The following VPS13B variants were observed in gnomAD, a reference collection of about 807,000 sequenced individuals.
The protein encoded by VPS13B is vacuolar protein sorting 13 homolog B.
Under a neutral mutation model 426.4 loss-of-function variants are expected in VPS13B, and 285 were observed. The ratio of observed to expected loss-of-function variants is 0.67; its 90% CI spans 0.61 to 0.74. The LOEUF is 0.74. Ranked by LOEUF, VPS13B falls within the 30% of genes least tolerant of loss-of-function variation. The pLI is 0.00. For missense variants in VPS13B, 4,537 were observed against 4,782.6 expected (o/e 0.95, Z 1.51); for synonymous variants, 1,676 against 1,676.4 (o/e 1.00, Z 0.01).
At chr8:99,665,465 G>A (rs1830447621) in intron 35 of VPS13B, among the ~76,000 whole-genome samples, 3 of 152,164 alleles carry the variant, frequency 2.0e-5, no homozygotes, top group Non-Finnish European at 2.9e-5. Flanking sequence ...TAACATTTAA[G>A]TCTTTAATCC....
chr8:99,561,539 C>T (rs1052060896), intron 31 of VPS13B, among the ~76,000 whole-genome samples: 3 of 152,128 alleles, frequency 2.0e-5, no homozygotes, highest in Non-Finnish European at 2.9e-5. Context: ...CCTGTACAGC[C>T]ATTCCGGTTT....
At chr8:99,509,151 C>T (rs543523073) in intron 28 of VPS13B, among the ~76,000 whole-genome samples, 36 of 152,110 alleles carry the variant, frequency 2.4e-4, no homozygotes, top group Non-Finnish European at 4.7e-4. Flanking sequence ...ATCACTGTGG[C>T]CTCTTCCACT....
chr8:99,822,767 CA>C (rs1814450566), intron 50 of VPS13B, among the ~76,000 whole-genome samples: 1 of 152,078 alleles, frequency 6.6e-6, no homozygotes, highest in South Asian at 2.1e-4. Flanking sequence ...TGGGTTATAT[CA>C]GTATTTATCA....
intron 39 of VPS13B, among the ~76,000 whole-genome samples, chr8:99,732,745 G>C (rs540881002): frequency 6.6e-6 from 1 of 152,346 alleles, no homozygotes; most frequent in South Asian, 2.1e-4. Context: ...AGAATTTGTA[G>C]ATAACACTTA....
chr8:99,391,364 T>TGA (rs1045294823), intron 20 of VPS13B, among the ~76,000 whole-genome samples, 193 bp from the exon 21 acceptor site: 25 of 145,494 alleles, frequency 1.7e-4, no homozygotes, highest in Middle Eastern at 3.5e-3. Context: ...TGTGTGTGTG[T>TGA]GAGAGAGAGA....
Position 99,720,923 on chromosome 8 carries a change from C to G in VPS13B, c.6926C>G (p.Pro2309Arg). 6.2e-7 allele frequency: 1 copy of G among 1,613,902 alleles called. No homozygotes were observed. The highest frequency in any genetic ancestry group is 8.5e-7 in the Non-Finnish European group (1 of 1,179,926). ...TTTTATAATGAAACTGAAGATTGCC[C>G]AGGGATGATGTTATGGAGATATCCA... ...VLFYNETEDC[P>R]GMMLWRYPEP... The change falls in exon 39 of 62, where the codon CCA becomes CGA. Residue 2309 changes from proline (P) to arginine (R), a missense_variant. Physicochemically the swap from Pro to Arg is moderately radical, Grantham distance 103 (BLOSUM62 -2). This residue lies in a region of VPS13B where 4,311 missense variants were observed against 4,474.3 expected (regional missense o/e 0.96). Coordinates refer to ENST00000357162, the MANE Select transcript of VPS13B (RefSeq NM_152564.5).
At chr8:99,306,872 A>G (rs1820667273) in intron 19 of VPS13B, among the ~76,000 whole-genome samples, 1 of 152,144 alleles carries the variant, frequency 6.6e-6, no homozygotes. Context: ...GTATGTGATT[A>G]ACTGACAGTT....
At chr8:99,354,234 G>T (rs1812053777) in intron 19 of VPS13B, among the ~76,000 whole-genome samples, 1 of 106,886 alleles carries the variant, frequency 9.4e-6, no homozygotes, top group Non-Finnish European at 1.8e-5. Context: ...GAAAATCGTT[G>T]TGAGCATTCT....
chr8:99,069,777 G>C (rs1844758704), intron 3 of VPS13B, among the ~76,000 whole-genome samples: 1 of 152,070 alleles, frequency 6.6e-6, no homozygotes, highest in Admixed American at 6.6e-5. Context: ...GAAGAGTATT[G>C]GCAGAAAACT....
At chr8:99,511,030 A>T in intron 28 of VPS13B, 74 bp from the exon 29 acceptor site, 1 of 1,547,756 alleles carries the variant, frequency 6.5e-7, no homozygotes, top group Non-Finnish European at 8.8e-7. Flanking sequence ...CACTGAGGTC[A>T]TTTTCTTCTT....
At chr8:99,295,722 A>G (rs1054294420) in intron 19 of VPS13B, among the ~76,000 whole-genome samples, 1 of 152,158 alleles carries the variant, frequency 6.6e-6, no homozygotes, top group Non-Finnish European at 1.5e-5. Flanking sequence ...CCAGGAAAAG[A>G]TCAAAATCAA....
At chr8:99,310,021 T>A (rs1017650822) in intron 19 of VPS13B, among the ~76,000 whole-genome samples, 2 of 152,192 alleles carry the variant, frequency 1.3e-5, no homozygotes, top group Non-Finnish European at 2.9e-5. Flanking sequence ...GTGATTTTTG[T>A]ACATTCATTT....
chr8:99,866,941 C>T (rs1368362920), intron 58 of VPS13B, among the ~76,000 whole-genome samples: 1 of 152,226 alleles, frequency 6.6e-6, no homozygotes, highest in Non-Finnish European at 1.5e-5. Context: ...GAGCAGCTTC[C>T]TCTGCTCACT....
intron 19 of VPS13B, among the ~76,000 whole-genome samples, chr8:99,281,441 G>A (rs115301802): frequency 0.013 from 1,931 of 152,326 alleles, 47 homozygotes; most frequent in African/African-American, 0.044. Context: ...AGCCTTGGAA[G>A]ACAAGTATCA....
intron 5 of VPS13B, among the ~76,000 whole-genome samples, chr8:99,108,935 T>C (rs1475257606): frequency 6.6e-6 from 1 of 152,182 alleles, no homozygotes; most frequent in Non-Finnish European, 1.5e-5. Flanking sequence ...TGAATATTGG[T>C]ATTAGTTCTT....
intron 22 of VPS13B, among the ~76,000 whole-genome samples, chr8:99,438,753 CTG>C (rs1241248317): frequency 5.9e-5 from 9 of 151,984 alleles, no homozygotes; most frequent in Admixed American, 3.3e-4. Flanking sequence ...AATAGGAAAA[CTG>C]TGATTTGGGT....
chr8:99,440,381 T>C (rs1343469826), intron 22 of VPS13B, among the ~76,000 whole-genome samples: 1 of 152,128 alleles, frequency 6.6e-6, no homozygotes, highest in East Asian at 1.9e-4. Context: ...GATTGTCAGA[T>C]CCTTACATTA....
chr8:99,826,512 C>A (rs562301674), intron 51 of VPS13B, among the ~76,000 whole-genome samples: 5 of 152,208 alleles, frequency 3.3e-5, no homozygotes, highest in Non-Finnish European at 7.4e-5. Flanking sequence ...ACGCCATCTG[C>A]AAACAGAGAC....
At chr8:99,340,142 A>G (rs1811159102) in intron 19 of VPS13B, among the ~76,000 whole-genome samples, 1 of 152,212 alleles carries the variant, frequency 6.6e-6, no homozygotes, top group Admixed American at 6.5e-5. Flanking sequence ...AACTATAGTT[A>G]TGTGGGCAAC....
Sources: gnomAD v4.1 joint callset for allele counts (sites outside exome capture counted in the v4.1 genomes callset) on GRCh38, gnomAD v4.1.1 for gene constraint, gnomAD v4.1.1 regional missense constraint, MANE v1.5 for transcripts, NCBI Gene and HGNC (gene_info 2026-07-23, HGNC 2026-07-21) for gene names.